Variants in TANC1 observed in about 807,000 individuals in gnomAD.
The protein encoded by TANC1 is tetratricopeptide repeat, ankyrin repeat and coiled-coil containing 1.
In TANC1, 77 loss-of-function variants were observed where a neutral mutation model predicts 149.7. The observed-to-expected ratio is 0.51, with a 90% CI of 0.43 to 0.62. TANC1 has a LOEUF of 0.62. Among genes scored for constraint, TANC1 ranks in the 20% least tolerant of loss-of-function variants. TANC1 has a pLI of 0.00. For missense variants in TANC1, 1,985 were observed against 2,321.8 expected, an observed-to-expected ratio of 0.85 and a Z score of 2.98; for synonymous variants, 854 against 925.0, an observed-to-expected ratio of 0.92 and a Z score of 1.39.
chr2:159,166,494 A>G (rs955034904), intron 8 of TANC1, among the ~76,000 whole-genome samples: 1 of 152,084 alleles, frequency 6.6e-6, no homozygotes, highest in African/African-American at 2.4e-5. Flanking sequence ...TGTGTGCACA[A>G]CAAGTGTATA....
chr2:159,218,088 TG>T lies in TANC1; in HGVS notation c.3378+459del, dbSNP rs200310450. Among the ~76,000 whole-genome samples, 4 of 109,880 alleles carry T rather than the reference TG, an allele frequency of 3.6e-5. No individual in the cohort carries two copies. The South Asian group carries it at 9.4e-4, about 26-fold the overall frequency. The allele number at this position is 109,880 out of a possible 152,430, so 72.1% of individuals were successfully genotyped here. On this transcript the variant is annotated intron_variant, in intron 20 of 26. Transcript: ENST00000263635. ...TTTGTTTTTGGTTTTTGTTTTGTTT[TG>T]TTTTTTTACTATGAAATGATGTATT...
chr2:158,981,467 A>C (rs1300204914), intron 1 of TANC1, among the ~76,000 whole-genome samples: 1 of 135,810 alleles, frequency 7.4e-6, no homozygotes, highest in African/African-American at 2.7e-5. Context: ...ATCTTTAAAA[A>C]GTTTAGCAAT....
intron 2 of TANC1, among the ~76,000 whole-genome samples, chr2:159,023,011 G>A (rs979864273): frequency 1.2e-4 from 19 of 152,036 alleles, no homozygotes; most frequent in African/African-American, 4.6e-4. Flanking sequence ...GAGGGCACAT[G>A]GTTTCATATA....
intron 4 of TANC1, among the ~76,000 whole-genome samples, chr2:159,113,602 C>T (rs1410533912): frequency 6.6e-6 from 1 of 152,186 alleles, no homozygotes; most frequent in Non-Finnish European, 1.5e-5. Context: ...GCCCCTTCTG[C>T]CTTTTATTGT....
chr2:158,993,462 G>C (rs1574009974), intron 1 of TANC1, among the ~76,000 whole-genome samples: 1 of 152,214 alleles, frequency 6.6e-6, no homozygotes, highest in East Asian at 1.9e-4. Flanking sequence ...ATGTTGCCCA[G>C]GCTGGTTTTG....
At chr2:159,127,289 C>T (rs1305511586) in intron 4 of TANC1, among the ~76,000 whole-genome samples, 2 of 152,106 alleles carry the variant, frequency 1.3e-5, no homozygotes, top group Non-Finnish European at 2.9e-5. Flanking sequence ...GTCGGAATGG[C>T]GGTTATTAAA....
intron 1 of TANC1, among the ~76,000 whole-genome samples, chr2:158,996,414 A>G (rs368804695): frequency 5.3e-5 from 8 of 152,264 alleles, no homozygotes; most frequent in African/African-American, 1.7e-4. Flanking sequence ...TTTCACAGAC[A>G]TATGTTAAAT....
intron 22 of TANC1, among the ~76,000 whole-genome samples, chr2:159,223,685 C>T (rs1489799836): frequency 6.6e-6 from 1 of 152,182 alleles, no homozygotes; most frequent in Non-Finnish European, 1.5e-5. Flanking sequence ...TCAAATCAGT[C>T]TTTGTACCGT....
At chr2:159,172,477 A>G (rs2055365769) in intron 11 of TANC1, among the ~76,000 whole-genome samples, 1 of 152,244 alleles carries the variant, frequency 6.6e-6, no homozygotes, top group Non-Finnish European at 1.5e-5. Context: ...AGTGGACCTG[A>G]TCCATCTTAA....
chr2:159,126,728 C>T (rs1443005852), intron 4 of TANC1, among the ~76,000 whole-genome samples: 1 of 152,210 alleles, frequency 6.6e-6, no homozygotes, highest in African/African-American at 2.4e-5. Context: ...AGTTGGCTTA[C>T]AGCCACTGGA....
intron 8 of TANC1, among the ~76,000 whole-genome samples, chr2:159,168,648 C>T (rs2054864738): frequency 1.3e-5 from 2 of 152,058 alleles, no homozygotes. Flanking sequence ...GTCTTACTGA[C>T]TTGGTCAGAG....
intron 1 of TANC1, among the ~76,000 whole-genome samples, chr2:158,972,380 A>G (rs923718745): frequency 2.6e-5 from 4 of 152,140 alleles, no homozygotes; most frequent in Non-Finnish European, 4.4e-5. Flanking sequence ...TGATGGCTGG[A>G]TAAGTCTGAT....
chr2:159,147,286 G>C (rs947160998), intron 5 of TANC1, among the ~76,000 whole-genome samples: 2 of 152,220 alleles, frequency 1.3e-5, no homozygotes, highest in African/African-American at 4.8e-5. Flanking sequence ...GAAAGGGAAG[G>C]GGGGTGTGGA....
chr2:159,213,703 C>T (rs760340027), intron 19 of TANC1, among the ~76,000 whole-genome samples: 3 of 152,090 alleles, frequency 2.0e-5, no homozygotes, highest in Non-Finnish European at 4.4e-5. Flanking sequence ...TTGTTAAGAA[C>T]GGCTCTTCCT....
chr2:159,020,177 GCACGATCTCAGCT>G (rs1180430925), intron 2 of TANC1, among the ~76,000 whole-genome samples: 1 of 152,158 alleles, frequency 6.6e-6, no homozygotes, highest in Non-Finnish European at 1.5e-5. Context: ...GAGTGCAGTG[GCACGATCTCAGCT>G]CACTGCAACC....
intron 1 of TANC1, among the ~76,000 whole-genome samples, chr2:158,984,022 G>A (rs2034726546): frequency 1.3e-5 from 2 of 152,128 alleles, no homozygotes; most frequent in Admixed American, 6.5e-5. Flanking sequence ...CTTTGAATCT[G>A]GCTTGGACAA....
intron 3 of TANC1, among the ~76,000 whole-genome samples, chr2:159,092,105 T>C (rs1489950559): frequency 6.6e-6 from 1 of 152,192 alleles, no homozygotes; most frequent in Non-Finnish European, 1.5e-5. Context: ...ACAAGTTCCG[T>C]TTTCTGGAGC....
intron 2 of TANC1, among the ~76,000 whole-genome samples, chr2:159,038,455 T>A (rs1385644019): frequency 6.6e-6 from 1 of 152,166 alleles, no homozygotes; most frequent in African/African-American, 2.4e-5. Context: ...TGCTTCCAGT[T>A]TTTGCCCATT....
chr2:159,141,742 G>A lies in TANC1; in HGVS notation c.364+5444G>A, dbSNP rs187035352. ...GCAAGTTACAGTAGGGAAACAGGTC[G>A]TTGACAAAAGAGGGCTGAGAAACTG... On this transcript the variant is annotated intron_variant, in intron 5 of 26. Transcript: ENST00000263635. 3.7e-3 allele frequency among the ~76,000 whole-genome samples: 566 copies of A among 152,310 alleles called. 5 individuals are homozygous for A. The highest frequency in any genetic ancestry group is 0.012 in the African/African-American group (509 of 41,556).
Sources: gnomAD v4.1 joint callset for allele counts (sites outside exome capture counted in the v4.1 genomes callset) on GRCh38, gnomAD v4.1.1 for gene constraint, MANE v1.5 for transcripts, NCBI Gene and HGNC (gene_info 2026-07-23, HGNC 2026-07-21) for gene names.